Variants in CYFIP1 observed in about 807,000 individuals in gnomAD.
CYFIP1 encodes cytoplasmic FMR1-interacting protein 1.
A neutral mutation model predicts 163.5 loss-of-function variants in CYFIP1; 58 were observed. The ratio of observed to expected loss-of-function variants is 0.35; its 90% CI spans 0.29 to 0.44. CYFIP1 has a LOEUF of 0.44. Among genes scored for constraint, CYFIP1 ranks in the 20% least tolerant of loss-of-function variants. The pLI is 1.00. For missense variants in CYFIP1, 1,338 were observed against 1,653.8 expected (o/e 0.81, Z 3.31); for synonymous variants, 663 against 660.7 (o/e 1.00, Z -0.05).
At chr15:22,930,857 C>G (rs968509370) in intron 11 of CYFIP1, among the ~76,000 whole-genome samples, 3 of 152,096 alleles carry the variant, frequency 2.0e-5, no homozygotes, top group Admixed American at 6.5e-5. Context: ...AAAGAAAAAG[C>G]CTTTTAAAAA....
chr15:22,934,497 T>C (rs2061649037), intron 9 of CYFIP1, among the ~76,000 whole-genome samples: 1 of 108,710 alleles, frequency 9.2e-6, no homozygotes, highest in African/African-American at 3.7e-5. Context: ...TTTTTTTTTT[T>C]TTTTTTTTTT....
intron 21 of CYFIP1, chr15:22,905,114 C>G (rs2060526609): frequency 6.6e-6 from 1 of 152,174 alleles, no homozygotes; most frequent in Admixed American, 6.5e-5. Flanking sequence ...AGCCCAAGGA[C>G]TTCTTCCTCA....
intron 13 of CYFIP1, 50 bp downstream of exon 13, chr15:22,925,932 G>A (rs547262878): frequency 5.0e-6 from 8 of 1,598,400 alleles, no homozygotes; most frequent in African/African-American, 2.7e-5. Flanking sequence ...AGAGAAGATG[G>A]TGTGAAGCTA....
chr15:22,914,890 G>A lies in CYFIP1; in HGVS notation c.1829-8C>T, dbSNP rs753803075. On this transcript the variant is annotated splice_region_variant and splice_polypyrimidine_tract_variant and intron_variant, in intron 16 of 30. Transcript: ENST00000617928. ...AGCACTGCTGCAGCGTTTCTGGGAG[G>A]GTTCAAACAACTCCATGTTATCTCC... is the stretch of plus-strand genomic sequence containing the variant. 1.3e-6 allele frequency: 2 copies of A among 1,597,562 alleles called. No individual in the cohort carries two copies. Among genetic ancestry groups the A allele is most frequent in the East Asian group, 4.5e-5 (2 of 44,448 alleles).
intron 11 of CYFIP1, among the ~76,000 whole-genome samples, chr15:22,928,369 C>T (rs1345984271): frequency 1.3e-5 from 2 of 151,458 alleles, no homozygotes; most frequent in East Asian, 1.9e-4. Context: ...GGCGACAGAG[C>T]GAGACTCCGT....
At chr15:22,972,713 G>C (rs893653175) in intron 1 of CYFIP1, among the ~76,000 whole-genome samples, 14 of 152,136 alleles carry the variant, frequency 9.2e-5, no homozygotes, top group African/African-American at 3.4e-4. Context: ...AACCCGAAAT[G>C]AATTAAAGAC....
At chr15:22,969,972 A>C (rs1324574169) in intron 1 of CYFIP1, among the ~76,000 whole-genome samples, 1 of 152,198 alleles carries the variant, frequency 6.6e-6, no homozygotes, top group African/African-American at 2.4e-5. Flanking sequence ...TCTGGATGAC[A>C]TGATTTTATA....
chr15:22,929,631 C>CAAAAAAAAAAA (rs35408380), intron 11 of CYFIP1, among the ~76,000 whole-genome samples: 41 of 42,260 alleles, frequency 9.7e-4, no homozygotes, highest in African/African-American at 4.4e-3. Flanking sequence ...GACTCTGTCT[C>CAAAAAAAAAAA]AAAAAAAAAA....
At chr15:22,922,244 T>C (rs554386764) in intron 13 of CYFIP1, among the ~76,000 whole-genome samples, 1 of 152,268 alleles carries the variant, frequency 6.6e-6, no homozygotes, top group African/African-American at 2.4e-5. Context: ...AGGTGACTAA[T>C]AGTGACCTCC....
chr15:22,933,652 G>A (rs954649631), intron 10 of CYFIP1, 150 bp downstream of exon 10: 39 of 606,824 alleles, frequency 6.4e-5, no homozygotes, highest in African/African-American at 1.5e-4. Context: ...GTAAATAGCC[G>A]CATGTGGCAA....
chr15:22,896,439 T>C lies in CYFIP1; in HGVS notation c.2589-3462A>G, dbSNP rs563463048. ...TCTTTTCTGCCCCCCGACAACCTCT[T>C]ACTAGGATTCCAATCACAGGCATAT... On this transcript the variant is annotated intron_variant, in intron 22 of 30. Transcript: ENST00000617928. Among the ~76,000 whole-genome samples the C allele has an allele frequency of 4.6e-5, 7 of 152,260 alleles. No individual in the cohort carries two copies. In the South Asian group the frequency reaches 1.2e-3, roughly 27 times the overall value.
intron 21 of CYFIP1, among the ~76,000 whole-genome samples, chr15:22,906,462 A>AATTTTTTT (rs2060584070): frequency 1.1e-5 from 1 of 87,502 alleles, no homozygotes; most frequent in African/African-American, 4.6e-5. Context: ...AGCAACTACT[A>AATTTTTTT]TTTTTTTTTT....
At chr15:22,958,666 T>TCC (rs909444889) in intron 1 of CYFIP1, among the ~76,000 whole-genome samples, 1 of 151,946 alleles carries the variant, frequency 6.6e-6, no homozygotes, top group Admixed American at 6.6e-5. Context: ...AACATCGCCC[T>TCC]CCCCCAGGCT....
chr15:22,871,700 T>C (rs1003437233), intron 30 of CYFIP1, among the ~76,000 whole-genome samples: 1 of 152,292 alleles, frequency 6.6e-6, no homozygotes, highest in East Asian at 1.9e-4. Context: ...AGGAGAGACA[T>C]GGCAGAAGAC....
In CYFIP1 at chr15:22,878,864, C is replaced by A. The variant is rs575685620; in HGVS notation, c.3042+1049G>T. Among the ~76,000 whole-genome samples, 13 of 152,272 alleles carry A rather than the reference C, an allele frequency of 8.5e-5. No individual in the cohort carries two copies. The East Asian group carries it at 2.5e-3, about 30-fold the overall frequency. The stretch of plus-strand genomic sequence containing the variant: ...AAAAATAGGCAAAAGAGGCCGGGCG[C>A]AGTGGCTCACGCCTGTAATCCCAGC... On this transcript the variant is annotated intron_variant, in intron 26 of 30. Transcript: ENST00000617928.
chr15:22,926,594 CAAAAT>C (rs2061364840), intron 12 of CYFIP1, among the ~76,000 whole-genome samples: 2 of 152,090 alleles, frequency 1.3e-5, no homozygotes, highest in South Asian at 4.1e-4. Context: ...TTTATGTGAT[CAAAAT>C]AAATCACAAA....
In CYFIP1 at chr15:22,875,231, A is replaced by G; in HGVS notation, c.3083T>C (p.Phe1028Ser). Residue 1028 changes from phenylalanine to serine, a missense_variant, in exon 27 of 31, where the codon TTC becomes TCC. Coordinates refer to ENST00000617928, the MANE Select transcript of CYFIP1 (RefSeq NM_014608.6). The stretch of plus-strand genomic sequence containing the variant: ...ATGGACTCGCGGCAAGATGTTCTGG[A>G]AAGGAGCCGCGTGCAGCAGGTCACA... Reference protein sequence around the residue: ...EVCDLLHAAPFQNILPRVHVK... With the variant: ...EVCDLLHAAPSQNILPRVHVK... The G allele has an allele frequency of 6.2e-7, 1 of 1,614,120 alleles. No individual in the cohort carries two copies. Among genetic ancestry groups the G allele is most frequent in the Non-Finnish European group, 8.5e-7 (1 of 1,179,994 alleles).
intron 25 of CYFIP1, 61 bp downstream of exon 25, chr15:22,881,785 C>T: frequency 6.6e-7 from 1 of 1,511,290 alleles, no homozygotes; most frequent in Non-Finnish European, 9.0e-7. Context: ...GAATTTCTGA[C>T]TTGAATTCCT....
chr15:22,916,845 G>C, intron 15 of CYFIP1: 5 of 1,553,630 alleles, frequency 3.2e-6, no homozygotes, highest in Non-Finnish European at 3.5e-6. Context: ...GTTCGCCTCC[G>C]TGCCATAAAC....
Sources: gnomAD v4.1 joint callset for allele counts (sites outside exome capture counted in the v4.1 genomes callset) on GRCh38, gnomAD v4.1.1 for gene constraint, MANE v1.5 for transcripts, NCBI Gene and HGNC (gene_info 2026-07-23, HGNC 2026-07-21) for gene names.